NXPH1: variants seen among roughly 807,000 people sequenced by gnomAD.
NXPH1 encodes neurexophilin-1.
NXPH1 carries 5 observed loss-of-function variants against 23.7 expected under a neutral mutation model. That is an observed-to-expected ratio of 0.21 (90% CI 0.11 to 0.44). The LOEUF (loss-of-function observed/expected upper bound fraction) is 0.44. NXPH1 is among the 20% of genes least tolerant of loss of function. The probability of loss-of-function intolerance (pLI) is 0.99; values close to 1 mark genes in which losing one functional copy is unlikely to be tolerated. For missense variants in NXPH1, 324 were observed against 321.6 expected (o/e 1.01, Z -0.06); for synonymous variants, 144 against 122.2 (o/e 1.18, Z -1.18).
intron 2 of NXPH1, among the ~76,000 whole-genome samples, chr7:8,457,832 C>A (rs891925632): frequency 6.6e-6 from 1 of 151,820 alleles, no homozygotes; most frequent in Non-Finnish European, 1.5e-5. Context: ...TCTTTGTTGC[C>A]ATTGATTAAA....
chr7:8,530,090 G>T (rs1002638959), intron 2 of NXPH1, among the ~76,000 whole-genome samples: 1 of 152,228 alleles, frequency 6.6e-6, no homozygotes, highest in Middle Eastern at 3.4e-3. Context: ...TACAACTAAT[G>T]GTAGAGGCCC....
At chr7:8,663,349 C>T (rs913423508) in intron 2 of NXPH1, among the ~76,000 whole-genome samples, 3 of 152,128 alleles carry the variant, frequency 2.0e-5, no homozygotes, top group East Asian at 1.9e-4. Context: ...TAACTATGGG[C>T]CCCATCATCC....
intron 2 of NXPH1, among the ~76,000 whole-genome samples, chr7:8,705,660 A>G (rs983600360): frequency 6.6e-6 from 1 of 152,174 alleles, no homozygotes; most frequent in Non-Finnish European, 1.5e-5. Context: ...TATTGAAGCA[A>G]ATCAACGTAG....
chr7:8,693,479 C>G (rs1291239295), intron 2 of NXPH1, among the ~76,000 whole-genome samples: 1 of 152,200 alleles, frequency 6.6e-6, no homozygotes, highest in Non-Finnish European at 1.5e-5. Context: ...GTATTTGACT[C>G]TAACTCCTGT....
At chr7:8,617,397 T>C (rs1819767867) in intron 2 of NXPH1, among the ~76,000 whole-genome samples, 1 of 152,056 alleles carries the variant, frequency 6.6e-6, no homozygotes, top group Admixed American at 6.6e-5. Context: ...AAGATTTGGA[T>C]GCAACCTAAG....
chr7:8,435,680 A>G lies in NXPH1; in HGVS notation c.-34A>G. The G allele has an allele frequency of 6.2e-7, 1 of 1,607,314 alleles. No individual in the cohort carries two copies. The highest frequency in any genetic ancestry group is 8.5e-7 in the Non-Finnish European group (1 of 1,173,828). On this transcript the variant is annotated 5_prime_UTR_variant, in exon 2 of 3. Transcript: ENST00000405863. This position sits in a 1 kb window ranked among gnomAD's most constrained non-coding sequence, Gnocchi z 5.9. ...TTTCTGAAGGAACAAAGACTCAAAG[A>G]AGGCACCGCCAAGGAAGTTTGAGAC... is the stretch of plus-strand genomic sequence containing the variant.
At chr7:8,564,091 A>T (rs1818498099) in intron 2 of NXPH1, among the ~76,000 whole-genome samples, 2 of 151,866 alleles carry the variant, frequency 1.3e-5, no homozygotes, top group Non-Finnish European at 3.0e-5. Flanking sequence ...TCCCCAGAGC[A>T]CAAAAATTAT....
At chr7:8,739,473 G>T (rs1251525476) in intron 2 of NXPH1, among the ~76,000 whole-genome samples, 1 of 152,078 alleles carries the variant, frequency 6.6e-6, no homozygotes, top group Non-Finnish European at 1.5e-5. Context: ...TCCATGGGCT[G>T]CACGCACTGT....
intron 2 of NXPH1, among the ~76,000 whole-genome samples, chr7:8,450,954 T>C (rs1215088083): frequency 6.6e-6 from 1 of 152,224 alleles, no homozygotes; most frequent in Non-Finnish European, 1.5e-5. Flanking sequence ...CTTTTAGCAC[T>C]TCATTGTAGA....
chr7:8,715,028 AG>A (rs999416995), intron 2 of NXPH1, among the ~76,000 whole-genome samples: 13 of 152,276 alleles, frequency 8.5e-5, no homozygotes, highest in African/African-American at 2.9e-4. Context: ...TAGGAGTTGC[AG>A]TCCTTGTGGT....
At chr7:8,574,258 CTG>C (rs139983802) in intron 2 of NXPH1, among the ~76,000 whole-genome samples, 2,323 of 152,172 alleles carry the variant, frequency 0.015, 64 homozygotes, top group African/African-American at 0.053. Context: ...CTAGGCAAAA[CTG>C]TTTTTTTAAA....
At chr7:8,747,373 T>C (rs927388221) in intron 2 of NXPH1, among the ~76,000 whole-genome samples, 6 of 152,240 alleles carry the variant, frequency 3.9e-5, no homozygotes, top group African/African-American at 1.4e-4. Context: ...TGATTCTTCC[T>C]TCTTGAAACC....
intron 2 of NXPH1, among the ~76,000 whole-genome samples, chr7:8,473,962 C>T (rs1331960033): frequency 6.6e-6 from 1 of 152,086 alleles, no homozygotes; most frequent in Non-Finnish European, 1.5e-5. Flanking sequence ...TTCAAATTAC[C>T]CAGGAGCTTG....
chr7:8,721,474 A>G (rs545089118), intron 2 of NXPH1, among the ~76,000 whole-genome samples: 1 of 152,374 alleles, frequency 6.6e-6, no homozygotes, highest in South Asian at 2.1e-4. Context: ...TTACTTAAAG[A>G]AAGACAGTTT....
At chr7:8,438,371 A>G (rs1816232271) in intron 2 of NXPH1, among the ~76,000 whole-genome samples, 1 of 152,256 alleles carries the variant, frequency 6.6e-6, no homozygotes, top group African/African-American at 2.4e-5. Flanking sequence ...AGCTGCTTTA[A>G]GTTACATTCA....
chr7:8,751,733 C>T lies in NXPH1; in HGVS notation c.780C>T (p.Asn260=). ...TACAGAAAGTGTGCCCTGACTACAA[C>T]TACCACAGTGACACACCTTACTTTC... ...KLVQKVCPDY[N]YHSDTPYFPS... Residue 260 remains asparagine, a synonymous_variant, in exon 3 of 3, where the codon AAC becomes AAT. Coordinates refer to ENST00000405863, the MANE Select transcript of NXPH1 (RefSeq NM_152745.3). This position sits in a 1 kb window ranked among gnomAD's most constrained non-coding sequence, Gnocchi z 4.5. 6.2e-7 allele frequency: 1 copy of T among 1,612,516 alleles called. No individual in the cohort carries two copies. The highest frequency in any genetic ancestry group is 2.2e-5 in the East Asian group (1 of 44,850).
chr7:8,715,709 T>C (rs1345932286), intron 2 of NXPH1, among the ~76,000 whole-genome samples: 1 of 151,602 alleles, frequency 6.6e-6, no homozygotes, highest in Non-Finnish European at 1.5e-5. Flanking sequence ...TAGATAAGAG[T>C]CTTCAAGAGA....
At chr7:8,494,585 CATT>C (rs57785313) in intron 2 of NXPH1, among the ~76,000 whole-genome samples, 19,324 of 151,816 alleles carry the variant, frequency 0.13, 1,260 homozygotes, top group Middle Eastern at 0.16. Flanking sequence ...TTAAAATTTT[CATT>C]ATTATTACTA....
chr7:8,716,672 T>C (rs1432382084), intron 2 of NXPH1, among the ~76,000 whole-genome samples: 1 of 152,124 alleles, frequency 6.6e-6, no homozygotes, highest in Non-Finnish European at 1.5e-5. Context: ...TAAAAGGGTA[T>C]TACTGGGATA....
Sources: allele counts gnomAD v4.1 joint callset (sites outside exome capture counted in the v4.1 genomes callset), GRCh38; gene constraint gnomAD v4.1.1; non-coding constraint Gnocchi (gnomAD v3.1); transcripts MANE v1.5; gene names NCBI Gene and HGNC (gene_info 2026-07-23, HGNC 2026-07-21).